The following TTC7B variants were observed in gnomAD, a reference collection of about 807,000 sequenced individuals.
The protein encoded by TTC7B is tetratricopeptide repeat domain 7B.
In TTC7B, 28 loss-of-function variants were observed where a neutral mutation model predicts 106.8. The observed-to-expected ratio is 0.26, with a 90% confidence interval of 0.19 to 0.36. TTC7B has a LOEUF of 0.36. Ranked by LOEUF, TTC7B falls within the 10% of genes least tolerant of loss-of-function variation. The pLI is 1.00. For missense variants in TTC7B, 862 were observed against 1,076.4 expected (o/e 0.80, Z 2.79); for synonymous variants, 405 against 430.6 (o/e 0.94, Z 0.74).
Position 90,577,993 on chromosome 14 carries a change from A to G in TTC7B, c.2310+113T>C. Reference sequence around the variant, plus strand: ...GGCCATGTGACAGCCTGGCAAGCTAACTGCATGGGGCCTTTGGAAGCAGAA... The same window carrying G: ...GGCCATGTGACAGCCTGGCAAGCTAGCTGCATGGGGCCTTTGGAAGCAGAA... On this transcript the variant is annotated intron_variant, in intron 19 of 19. Transcript: ENST00000328459. The surrounding 1 kb of genome is among the most constrained non-coding windows in gnomAD (Gnocchi z 5.0). 7.6e-7 allele frequency: 1 copy of G among 1,313,194 alleles called. No homozygotes were observed. The highest frequency in any genetic ancestry group is 1.0e-6 in the Non-Finnish European group (1 of 956,432). 81.3% of individuals were successfully genotyped at this position (1,313,194 alleles called of 1,614,324 possible).
At chr14:90,656,923 A>G (rs1885969251) in intron 11 of TTC7B, among the ~76,000 whole-genome samples, 1 of 152,304 alleles carries the variant, frequency 6.6e-6, no homozygotes, top group Non-Finnish European at 1.5e-5. Context: ...TCTTATTATC[A>G]TTATTCCTGA....
chr14:90,640,809 T>C (rs1371255161), intron 15 of TTC7B, among the ~76,000 whole-genome samples: 4 of 152,200 alleles, frequency 2.6e-5, no homozygotes, highest in African/African-American at 9.7e-5. Flanking sequence ...ATTATTCACA[T>C]TTTGTAGATG....
At chr14:90,775,862 T>C (rs1891010420) in intron 3 of TTC7B, among the ~76,000 whole-genome samples, 1 of 152,130 alleles carries the variant, frequency 6.6e-6, no homozygotes, top group African/African-American at 2.4e-5. Flanking sequence ...GGAAAAGAAG[T>C]TAATTCCCCT....
Position 90,537,383 on chromosome 14 carries a change from G to GGC in TTC7B, c.*3984_*3985insGC, listed in dbSNP as rs1889446050. 1 of 148,502 alleles carries GGC rather than the reference G, an allele frequency of 6.7e-6. No homozygotes were observed. Among genetic ancestry groups the GGC allele is most frequent in the Admixed American group, 6.7e-5 (1 of 14,954 alleles). 9.2% of individuals were successfully genotyped at this position (148,502 alleles called of 1,614,324 possible). A position where few individuals can be genotyped will look rare whatever the true frequency, so the allele number is the denominator to read the frequency against. ...TTTTTTTTGTAGAGATGGGGGGGGG[G>GGC]TCTCACCATGTTGCCCAGGCTGGTC... On this transcript the variant is annotated 3_prime_UTR_variant, in exon 20 of 20. Coordinates refer to ENST00000328459, the MANE Select transcript of TTC7B (RefSeq NM_001010854.2).
chr14:90,727,243 C>T (rs988309304), intron 5 of TTC7B, among the ~76,000 whole-genome samples: 3 of 152,140 alleles, frequency 2.0e-5, no homozygotes, highest in African/African-American at 7.2e-5. Context: ...GTCAAGTGCT[C>T]CCTCACAGAG....
intron 3 of TTC7B, among the ~76,000 whole-genome samples, chr14:90,769,574 T>C (rs1890795153): frequency 6.6e-6 from 1 of 152,190 alleles, no homozygotes; most frequent in Non-Finnish European, 1.5e-5. Flanking sequence ...AAGACCAGCC[T>C]GAGCAACACA....
intron 9 of TTC7B, among the ~76,000 whole-genome samples, chr14:90,665,839 G>T (rs1722476545): frequency 6.6e-6 from 1 of 152,196 alleles, no homozygotes; most frequent in African/African-American, 2.4e-5. Context: ...TACTTCACGA[G>T]TCAGTTAATC....
intron 17 of TTC7B, 134 bp downstream of exon 17, chr14:90,610,608 G>A (rs113598741): frequency 4.7e-5 from 32 of 677,702 alleles, no homozygotes; most frequent in African/African-American, 3.0e-4. Flanking sequence ...AATGCACCTC[G>A]GTTGAGTGTT....
intron 14 of TTC7B, 57 bp from the exon 15 acceptor site, chr14:90,644,265 A>G (rs994814512): frequency 6.1e-6 from 8 of 1,307,548 alleles, no homozygotes; most frequent in Admixed American, 5.6e-5. Flanking sequence ...ACGCACACAC[A>G]CACACACACA....
At chr14:90,813,881 G>A (rs540550461) in intron 1 of TTC7B, among the ~76,000 whole-genome samples, 54 of 152,278 alleles carry the variant, frequency 3.5e-4, no homozygotes, top group Non-Finnish European at 5.7e-4. Context: ...CTACCAGCCC[G>A]AGAGTGGGAA....
rs1411645229 is a variant in TTC7B at position 90,731,053 on chromosome 14, C to T, written c.577-857G>A. On this transcript the variant is annotated intron_variant, in intron 4 of 19. Coordinates refer to ENST00000328459, the MANE Select transcript of TTC7B (RefSeq NM_001010854.2). Reference sequence around the variant, plus strand: ...CTCCGCCTCCCGGGTTCACGCCATTCTCCTGCCTCAGCCTCCCAAGTAGCT... The same window carrying T: ...CTCCGCCTCCCGGGTTCACGCCATTTTCCTGCCTCAGCCTCCCAAGTAGCT... Among the ~76,000 whole-genome samples the T allele has an allele frequency of 2.6e-5, 4 of 152,192 alleles. No individual in the cohort carries two copies. The South Asian group carries it at 6.2e-4, about 24-fold the overall frequency.
chr14:90,666,623 C>T (rs557410032), intron 9 of TTC7B, among the ~76,000 whole-genome samples: 1 of 152,216 alleles, frequency 6.6e-6, no homozygotes, highest in Non-Finnish European at 1.5e-5. Flanking sequence ...AAAACATAGA[C>T]ATCAAAGCTT....
At chr14:90,724,161 T>C (rs1889000405) in intron 5 of TTC7B, among the ~76,000 whole-genome samples, 1 of 152,156 alleles carries the variant, frequency 6.6e-6, no homozygotes, top group South Asian at 2.1e-4. Context: ...CCTTTCCAAA[T>C]CACATGGCCC....
chr14:90,689,507 A>C, intron 7 of TTC7B, 33 bp downstream of exon 7: 1 of 1,584,636 alleles, frequency 6.3e-7, no homozygotes, highest in Non-Finnish European at 8.6e-7. Flanking sequence ...CTCCCAACCC[A>C]TAACCTACAA....
chr14:90,769,076 T>C (rs903175400), intron 3 of TTC7B, among the ~76,000 whole-genome samples: 2 of 152,198 alleles, frequency 1.3e-5, no homozygotes, highest in Non-Finnish European at 1.5e-5. Context: ...GAATGGAGTC[T>C]TTGTATGTTA....
chr14:90,706,547 ATTTAT>A (rs1160362505), intron 5 of TTC7B, among the ~76,000 whole-genome samples: 1 of 152,182 alleles, frequency 6.6e-6, no homozygotes, highest in Admixed American at 6.5e-5. Flanking sequence ...TATGTTTTCC[ATTTAT>A]TTGCTTAGTT....
At chr14:90,556,526 A>G (rs1890313840) in intron 19 of TTC7B, among the ~76,000 whole-genome samples, 1 of 152,052 alleles carries the variant, frequency 6.6e-6, no homozygotes. Flanking sequence ...ACTCCTGTTC[A>G]CTTATTTCTA....
intron 17 of TTC7B, among the ~76,000 whole-genome samples, chr14:90,598,173 A>T (rs1380280326): frequency 6.6e-6 from 1 of 152,230 alleles, no homozygotes; most frequent in Non-Finnish European, 1.5e-5. Flanking sequence ...AGGGGCTCTG[A>T]AAAGCCACTG....
chr14:90,639,837 TGCAAACCAAAGA>T (rs1885096073), intron 15 of TTC7B, among the ~76,000 whole-genome samples: 1 of 152,222 alleles, frequency 6.6e-6, no homozygotes. Flanking sequence ...TATTCATTCA[TGCAAACCAAAGA>T]GTCACTGCTG....
Sources: allele counts gnomAD v4.1 joint callset (sites outside exome capture counted in the v4.1 genomes callset), GRCh38; gene constraint gnomAD v4.1.1; non-coding constraint Gnocchi (gnomAD v3.1); transcripts MANE v1.5; gene names NCBI Gene and HGNC (gene_info 2026-07-23, HGNC 2026-07-21).